The following DNAI2 variants were observed in gnomAD, a reference collection of about 807,000 sequenced individuals.
DNAI2 encodes the protein dynein, axonemal, intermediate polypeptide 2.
DNAI2 carries 63 observed loss-of-function variants against 74.7 expected under a neutral mutation model. The observed-to-expected ratio is 0.84, with a 90% confidence interval of 0.69 to 1.04. DNAI2 has a LOEUF of 1.04. DNAI2 is among the 50% of genes least tolerant of loss of function. The pLI is 0.00. For missense variants in DNAI2, 688 were observed against 803.2 expected (o/e 0.86, Z 1.73); for synonymous variants, 289 against 314.9 (o/e 0.92, Z 0.87).
Position 74,299,806 on chromosome 17 carries a change from G to A in DNAI2, c.813G>A (p.Trp271Ter), listed in dbSNP as rs2052655587. The change falls in exon 7 of 14, where the codon TGG (tryptophan) becomes TGA (stop). Residue 271 changes from tryptophan (W) to a stop codon, truncating the protein, a stop_gained. Transcript: ENST00000311014. LOFTEE classifies it high-confidence loss of function. ...GAGACCCTGTGTATGGCACCATCTG[G>A]CTGCAGTCGAAGACGGGCACCGAGT... ...SHRDPVYGTI[W>*]LQSKTGTECF... The A allele has an allele frequency of 1.2e-6, 2 of 1,613,452 alleles. No homozygotes were observed. The highest frequency in any genetic ancestry group is 8.5e-7 in the Non-Finnish European group (1 of 1,179,992).
At chr17:74,282,021 C>T (rs560713533) in intron 2 of DNAI2, 21 bp downstream of exon 2, 149 of 1,613,430 alleles carry the variant, frequency 9.2e-5, no homozygotes, top group Non-Finnish European at 1.2e-4. Flanking sequence ...GCCCCAAGGG[C>T]CCTGGCCTGT....
At chr17:74,299,619 C>T in intron 6 of DNAI2, 99 bp from the exon 7 acceptor site, 3 of 1,530,224 alleles carry the variant, frequency 2.0e-6, no homozygotes, top group East Asian at 4.5e-5. Context: ...CACATACCTG[C>T]CAAACCAGAA....
intron 3 of DNAI2, among the ~76,000 whole-genome samples, chr17:74,286,157 G>A (rs528429825): frequency 1.3e-5 from 2 of 151,422 alleles, no homozygotes; most frequent in Non-Finnish European, 2.9e-5. Flanking sequence ...TTAGCCAGGT[G>A]TGGTGGCACA....
chr17:74,288,299 A>G (rs1012998840), intron 4 of DNAI2, among the ~76,000 whole-genome samples: 1 of 152,236 alleles, frequency 6.6e-6, no homozygotes, highest in Admixed American at 6.5e-5. Context: ...TGTTCTGAGC[A>G]CATAGGCTGG....
chr17:74,305,243 G>A lies in DNAI2; in HGVS notation c.1012G>A (p.Glu338Lys), dbSNP rs1228330378. 5.0e-6 allele frequency: 8 copies of A among 1,614,044 alleles called. No individual in the cohort carries two copies. The highest frequency in any genetic ancestry group is 5.9e-6 in the Non-Finnish European group (7 of 1,180,042). Reference protein sequence around the residue: ...TLPTKFMVGTEQGIVISCNRK... With the variant: ...TLPTKFMVGTKQGIVISCNRK... ...GCCCACCAAGTTCATGGTGGGGACC[G>A]AGCAGGGCATCGTCATCTCCTGCAA... The change falls in exon 9 of 14, where the codon GAG (glutamate) becomes AAG (lysine). Residue 338 changes from glutamate (E) to lysine (K), a missense_variant. Glu to Lys is a moderately conservative substitution (Grantham distance 56). Transcript: ENST00000311014.
At chr17:74,310,249 G>T in intron 11 of DNAI2, 86 bp downstream of exon 11, 1 of 1,516,114 alleles carries the variant, frequency 6.6e-7, no homozygotes, top group Non-Finnish European at 8.8e-7. Context: ...CAAATAGATG[G>T]CCCCGCCCTC....
chr17:74,295,832 C>G (rs1304441522), intron 6 of DNAI2, among the ~76,000 whole-genome samples: 1 of 152,128 alleles, frequency 6.6e-6, no homozygotes, highest in Non-Finnish European at 1.5e-5. Flanking sequence ...CACTTATAGT[C>G]TCTGCTTAGC....
intron 6 of DNAI2, among the ~76,000 whole-genome samples, chr17:74,292,125 A>T (rs1483438536): frequency 2.0e-5 from 3 of 152,178 alleles, no homozygotes; most frequent in Non-Finnish European, 4.4e-5. Flanking sequence ...TTGGCCTTCC[A>T]AAGTACTGGG....
At chr17:74,277,032 C>T (rs919732829) in intron 1 of DNAI2, among the ~76,000 whole-genome samples, 2 of 151,750 alleles carry the variant, frequency 1.3e-5, no homozygotes, top group African/African-American at 4.8e-5. Context: ...TCTCATCCCA[C>T]CCTGTGCCCT....
chr17:74,288,628 G>A (rs1264604932), intron 4 of DNAI2, among the ~76,000 whole-genome samples: 1 of 152,126 alleles, frequency 6.6e-6, no homozygotes. Flanking sequence ...CCATCCCAGA[G>A]CACCTTTGTA....
rs1475177909 is a variant in DNAI2, at chr17:74,296,318, AGAGAGAGAGAGAGAG to A, written c.725-3386_725-3372del. Reference sequence around the variant, plus strand: ...AGTGAGATCTTGCCTTTAAAGAGAGAGAGAGAGAGAGAGAGGAGAGAGAGAGAGGAGAGAGAGAGG... The same window carrying A: ...AGTGAGATCTTGCCTTTAAAGAGAGAGAGAGAGAGAGAGGAGAGAGAGAGG... On this transcript the variant is annotated intron_variant, in intron 6 of 13. Transcript: ENST00000311014. Among the ~76,000 whole-genome samples, 54 of 88,454 alleles carry A rather than the reference AGAGAGAGAGAGAGAG, an allele frequency of 6.1e-4. 1 individual carries two copies. The highest frequency in any genetic ancestry group is 3.5e-3 in the Admixed American group (31 of 8,920). 58.0% of individuals were successfully genotyped at this position (88,454 alleles called of 152,430 possible).
chr17:74,309,869 C>G (rs1417289694), intron 10 of DNAI2, 148 bp from the exon 11 acceptor site: 3 of 1,040,612 alleles, frequency 2.9e-6, no homozygotes, highest in Non-Finnish European at 4.4e-6. Flanking sequence ...AACCAGTCTC[C>G]GAGTTTGAAC....
rs72848273 is a variant in DNAI2 at position 74,286,722 on chromosome 17, G to C, written c.346-255G>C. On this transcript the variant is annotated intron_variant, in intron 3 of 13. Transcript: ENST00000311014. ...TTACAGGCGTGAGCCACCGCACCCA[G>C]CCCATCAAATGTTAATGCTATAGAC... Among the ~76,000 whole-genome samples, 49,796 of 152,104 alleles carry C rather than the reference G, an allele frequency of 0.33. 9,071 individuals are homozygous for C. Among genetic ancestry groups the C allele is most frequent in the Non-Finnish European group, 0.43 (29,123 of 67,970 alleles).
chr17:74,298,914 G>A (rs1351471150), intron 6 of DNAI2, among the ~76,000 whole-genome samples: 2 of 152,198 alleles, frequency 1.3e-5, no homozygotes, highest in Non-Finnish European at 2.9e-5. Flanking sequence ...ATGAGCCACT[G>A]TGCTTGGCTG....
intron 4 of DNAI2, among the ~76,000 whole-genome samples, chr17:74,288,584 G>T (rs187207937): frequency 1.7e-4 from 26 of 152,286 alleles, no homozygotes; most frequent in East Asian, 9.6e-4. Context: ...CAGTTTGTGG[G>T]ACCTCGTTGC....
intron 9 of DNAI2, among the ~76,000 whole-genome samples, chr17:74,308,733 G>T (rs34558513): frequency 0.1 from 15,761 of 151,958 alleles, 1,062 homozygotes; most frequent in Non-Finnish European, 0.15. Context: ...TGTTGTCCAG[G>T]CTGGTCTCAA....
rs184354915 is a variant in DNAI2, at chr17:74,289,628, C to G, written c.502C>G (p.Leu168Val). 1 of 1,614,140 alleles carries G rather than the reference C, an allele frequency of 6.2e-7. No homozygotes were observed. Among genetic ancestry groups the G allele is most frequent in the South Asian group, 1.1e-5 (1 of 91,080 alleles). The change falls in exon 5 of 14, where the codon CTC becomes GTC. Residue 168 changes from leucine to valine, a missense_variant. By Grantham distance (32) the Leu-to-Val change is conservative. Transcript: ENST00000311014. ...GGAAATCAAGAGGGCTGCCACACAC[C>G]TCTCCTGGCACCCCGATGGCAACAG... is the stretch of plus-strand genomic sequence containing the variant. Reference protein sequence around the residue: ...PQEIKRAATHLSWHPDGNRKL... With the variant: ...PQEIKRAATHVSWHPDGNRKL...
chr17:74,277,277 C>T (rs566628367), intron 1 of DNAI2, among the ~76,000 whole-genome samples: 6 of 151,174 alleles, frequency 4.0e-5, no homozygotes, highest in East Asian at 1.9e-4. Context: ...ATCCCAGCTA[C>T]GGGAGGCTGA....
At position 74,305,242 on chromosome 17, in the gene DNAI2, C is replaced by A. The variant is rs768490008; in HGVS notation, c.1011C>A (p.Thr337=). Residue 337 remains threonine (T), a synonymous_variant, in exon 9 of 14, where the codon ACC becomes ACA. Transcript: ENST00000311014. ...STLPTKFMVG[T]EQGIVISCNR... ...AGCCCACCAAGTTCATGGTGGGGACCGAGCAGGGCATCGTCATCTCCTGCA... is the reference window on the plus strand; with the variant it reads ...AGCCCACCAAGTTCATGGTGGGGACAGAGCAGGGCATCGTCATCTCCTGCA... 1 of 1,614,042 alleles carries A rather than the reference C, an allele frequency of 6.2e-7. No homozygotes were observed. The highest frequency in any genetic ancestry group is 8.5e-7 in the Non-Finnish European group (1 of 1,180,046).
Sources: allele counts gnomAD v4.1 joint callset (sites outside exome capture counted in the v4.1 genomes callset), GRCh38; gene constraint gnomAD v4.1.1; transcripts MANE v1.5; gene names NCBI Gene and HGNC (gene_info 2026-07-23, HGNC 2026-07-21).